The following PDE4B variants were observed in gnomAD, a reference collection of about 807,000 sequenced individuals.
PDE4B encodes the protein phosphodiesterase 4B.
A neutral mutation model predicts 82.2 loss-of-function variants in PDE4B; 20 were observed. The ratio of observed to expected loss-of-function variants is 0.24; its 90% confidence interval spans 0.17 to 0.35. The LOEUF (loss-of-function observed/expected upper bound fraction) is 0.35. PDE4B is among the 10% of genes least tolerant of loss of function. The pLI, the probability that PDE4B is intolerant of heterozygous loss-of-function variation, is 1.00. For synonymous variants in PDE4B, 320 were observed against 318.9 expected (o/e 1.00, Z -0.04); for missense variants, 655 against 907.2 (o/e 0.72, Z 3.57).
chr1:65,953,242 C>T (rs1047429785), intron 3 of PDE4B, among the ~76,000 whole-genome samples: 1 of 152,082 alleles, frequency 6.6e-6, no homozygotes, highest in Non-Finnish European at 1.5e-5. Context: ...AAGGCCCACA[C>T]ATCATATATG....
At chr1:66,319,514 T>C (rs1247879690) in intron 7 of PDE4B, among the ~76,000 whole-genome samples, 1 of 152,254 alleles carries the variant, frequency 6.6e-6, no homozygotes, top group Non-Finnish European at 1.5e-5. Flanking sequence ...TTATAATTTT[T>C]ATAAAATTCT....
intron 3 of PDE4B, among the ~76,000 whole-genome samples, chr1:66,228,204 A>G (rs982100761): frequency 6.6e-6 from 1 of 152,106 alleles, no homozygotes; most frequent in East Asian, 1.9e-4. Flanking sequence ...TCCTGGCACT[A>G]TTTCCCTTCC....
At chr1:65,886,807 TG>T (rs1181786563) in intron 1 of PDE4B, among the ~76,000 whole-genome samples, 2 of 152,214 alleles carry the variant, frequency 1.3e-5, no homozygotes, top group African/African-American at 4.8e-5. Context: ...TCCATATCTT[TG>T]CTATTGTGAA....
intron 3 of PDE4B, among the ~76,000 whole-genome samples, chr1:65,993,744 C>A (rs1173713722): frequency 6.6e-6 from 1 of 152,038 alleles, no homozygotes; most frequent in African/African-American, 2.4e-5. Flanking sequence ...ATGCTGTTAT[C>A]TTTAAGAGCT....
intron 3 of PDE4B, among the ~76,000 whole-genome samples, chr1:66,103,453 G>T (rs1645266102): frequency 6.6e-6 from 1 of 151,990 alleles, no homozygotes; most frequent in African/African-American, 2.4e-5. Context: ...CATTGAAAAT[G>T]GTCTTAGAGT....
At chr1:66,032,718 C>T (rs997199427) in intron 3 of PDE4B, among the ~76,000 whole-genome samples, 5 of 148,266 alleles carry the variant, frequency 3.4e-5, no homozygotes, top group Admixed American at 6.8e-5. Flanking sequence ...TGCAGTGGCG[C>T]GATCTCAGCT....
chr1:66,118,500 T>C (rs904560456), intron 3 of PDE4B, among the ~76,000 whole-genome samples: 6 of 151,048 alleles, frequency 4.0e-5, no homozygotes, highest in African/African-American at 1.5e-4. Context: ...ATGTTCTCAC[T>C]CATAGGTGGG....
chr1:65,947,869 A>G (rs945281628), intron 3 of PDE4B, among the ~76,000 whole-genome samples: 5 of 151,448 alleles, frequency 3.3e-5, no homozygotes, highest in African/African-American at 1.2e-4. Flanking sequence ...TCTGTTGTTT[A>G]AAGCCACTTA....
At chr1:66,150,064 A>T (rs1037953936) in intron 3 of PDE4B, among the ~76,000 whole-genome samples, 3 of 152,132 alleles carry the variant, frequency 2.0e-5, no homozygotes, top group African/African-American at 4.8e-5. Flanking sequence ...TTGGCCATAC[A>T]TGTGTGAGTT....
At chr1:66,314,823 T>C (rs538176744) in intron 7 of PDE4B, among the ~76,000 whole-genome samples, 3 of 152,360 alleles carry the variant, frequency 2.0e-5, no homozygotes, top group Admixed American at 1.3e-4. Flanking sequence ...TGGCTTGTAA[T>C]TCAGCTTAAT....
At chr1:65,853,730 A>G (rs891952165) in intron 1 of PDE4B, among the ~76,000 whole-genome samples, 1 of 151,902 alleles carries the variant, frequency 6.6e-6, no homozygotes, top group Non-Finnish European at 1.5e-5. Context: ...GGGTTTTACC[A>G]TGTTGGCCAG....
At chr1:66,129,659 C>A (rs1342798893) in intron 3 of PDE4B, among the ~76,000 whole-genome samples, 4 of 94,792 alleles carry the variant, frequency 4.2e-5, no homozygotes, top group South Asian at 3.6e-4. Flanking sequence ...GACTCCGTCT[C>A]AAAAAAAAAA....
intron 1 of PDE4B, among the ~76,000 whole-genome samples, chr1:65,802,495 C>T (rs954309958): frequency 4.6e-5 from 7 of 152,224 alleles, no homozygotes; most frequent in Non-Finnish European, 1.0e-4. Flanking sequence ...TGTCAATGGC[C>T]ATACCTAAGT....
At chr1:66,276,675 T>C (rs1158934197) in intron 7 of PDE4B, among the ~76,000 whole-genome samples, 1 of 152,232 alleles carries the variant, frequency 6.6e-6, no homozygotes, top group Non-Finnish European at 1.5e-5. Context: ...GTTAAATTCA[T>C]ACTGTATACA....
intron 7 of PDE4B, among the ~76,000 whole-genome samples, chr1:66,306,890 G>A (rs1658318082): frequency 6.6e-6 from 1 of 152,184 alleles, no homozygotes. Context: ...GCTGTGCAGT[G>A]ATCAGTTGGA....
intron 3 of PDE4B, chr1:66,152,413 GGTGGCAGCACTGGCT>G (rs1031657220): frequency 9.4e-6 from 2 of 213,274 alleles, no homozygotes; most frequent in African/African-American, 4.5e-5. Flanking sequence ...GAGCAGGCAG[GGTGGCAGCACTGGCT>G]GTGGCAGCAG....
At chr1:66,060,689 A>C (rs989503250) in intron 3 of PDE4B, among the ~76,000 whole-genome samples, 1 of 152,190 alleles carries the variant, frequency 6.6e-6, no homozygotes, top group Non-Finnish European at 1.5e-5. Context: ...AGCTACTAAA[A>C]AATTTATAAT....
intron 1 of PDE4B, among the ~76,000 whole-genome samples, chr1:65,902,865 C>G (rs1646987141): frequency 6.6e-6 from 1 of 151,964 alleles, no homozygotes. Flanking sequence ...GAAACAAAAC[C>G]AAAACTAAAC....
intron 3 of PDE4B, among the ~76,000 whole-genome samples, chr1:66,196,004 C>G (rs1648267343): frequency 6.6e-6 from 1 of 151,776 alleles, no homozygotes; most frequent in Non-Finnish European, 1.5e-5. Flanking sequence ...ATACGAGACC[C>G]CTGCAAGAAG....
Sources: gnomAD v4.1 joint callset for allele counts (sites outside exome capture counted in the v4.1 genomes callset) on GRCh38, gnomAD v4.1.1 for gene constraint, MANE v1.5 for transcripts, NCBI Gene and HGNC (gene_info 2026-07-23, HGNC 2026-07-21) for gene names.